Variants in CACNA2D1 observed in about 807,000 individuals in gnomAD.
The protein encoded by CACNA2D1 is voltage-dependent calcium channel subunit alpha-2/delta-1.
CACNA2D1 carries 53 observed loss-of-function variants against 171.5 expected under a neutral mutation model. The observed-to-expected ratio is 0.31, with a 90% CI of 0.25 to 0.39. CACNA2D1 has a LOEUF of 0.39. Ranked by LOEUF, CACNA2D1 falls within the 10% of genes least tolerant of loss-of-function variation. CACNA2D1 has a pLI of 1.00. For missense variants in CACNA2D1, 903 were observed against 1,299.8 expected (o/e 0.69, Z 4.69); for synonymous variants, 442 against 443.1 (o/e 1.00, Z 0.03).
chr7:81,959,890 T>C, intron 36 of CACNA2D1, 61 bp from the exon 37 acceptor site: 1 of 1,562,112 alleles, frequency 6.4e-7, no homozygotes, highest in Non-Finnish European at 8.7e-7. Context: ...ATGGAAATCT[T>C]TCAAAGATTC....
intron 1 of CACNA2D1, among the ~76,000 whole-genome samples, chr7:82,363,019 AC>A (rs1208719122): frequency 1.3e-5 from 2 of 152,000 alleles, no homozygotes; most frequent in Non-Finnish European, 2.9e-5. Context: ...TTGTCAGGCA[AC>A]CCCCTGAAAT....
At chr7:81,960,303 G>A (rs924793579) in intron 36 of CACNA2D1, among the ~76,000 whole-genome samples, 1 of 152,008 alleles carries the variant, frequency 6.6e-6, no homozygotes, top group Non-Finnish European at 1.5e-5. Context: ...AAAGTTGTTC[G>A]CACTGTCCAA....
intron 1 of CACNA2D1, among the ~76,000 whole-genome samples, chr7:82,399,603 C>T (rs755818211): frequency 4.6e-5 from 7 of 151,908 alleles, no homozygotes; most frequent in Non-Finnish European, 8.8e-5. Flanking sequence ...GGGAGACTGG[C>T]GAATCTTGTA....
At chr7:82,027,767 A>C (rs143741298) in intron 12 of CACNA2D1, 4 of 151,854 alleles carry the variant, frequency 2.6e-5, no homozygotes, top group Non-Finnish European at 5.9e-5. Context: ...GAATAGTTTA[A>C]TCTTTTTCAT....
At chr7:82,003,806 G>T (rs544803828) in intron 18 of CACNA2D1, among the ~76,000 whole-genome samples, 1 of 149,682 alleles carries the variant, frequency 6.7e-6, no homozygotes, top group South Asian at 2.1e-4. Context: ...GTGCAATGGC[G>T]TGGTCTCGGC....
At chr7:82,113,866 GGAAA>G (rs1788722481) in intron 6 of CACNA2D1, among the ~76,000 whole-genome samples, 1 of 152,096 alleles carries the variant, frequency 6.6e-6, no homozygotes, top group Non-Finnish European at 1.5e-5. Context: ...GTACAGGCCA[GGAAA>G]GGTTAGAGTC....
intron 12 of CACNA2D1, among the ~76,000 whole-genome samples, chr7:82,025,621 A>G (rs1452461417): frequency 6.6e-6 from 1 of 151,614 alleles, no homozygotes; most frequent in South Asian, 2.1e-4. Flanking sequence ...TTCTGCTACT[A>G]ATTTCTAGTT....
intron 3 of CACNA2D1, among the ~76,000 whole-genome samples, chr7:82,291,806 A>G (rs1811675273): frequency 6.6e-6 from 1 of 151,524 alleles, no homozygotes; most frequent in Non-Finnish European, 1.5e-5. Flanking sequence ...CACCCAGCCC[A>G]GAGCTAAATG....
At chr7:82,052,367 C>T (rs1288428797) in intron 10 of CACNA2D1, among the ~76,000 whole-genome samples, 8 of 152,136 alleles carry the variant, frequency 5.3e-5, no homozygotes, top group Non-Finnish European at 8.8e-5. Flanking sequence ...CACACATGCA[C>T]GCACACATAC....
At chr7:82,051,860 G>C (rs1244884506) in intron 10 of CACNA2D1, among the ~76,000 whole-genome samples, 1 of 152,110 alleles carries the variant, frequency 6.6e-6, no homozygotes, top group Non-Finnish European at 1.5e-5. Context: ...CATATAACTG[G>C]ATTAGTGGGA....
intron 38 of CACNA2D1, among the ~76,000 whole-genome samples, chr7:81,958,094 T>C (rs964986267): frequency 2.6e-5 from 4 of 151,064 alleles, no homozygotes. Flanking sequence ...ACTTAATATA[T>C]CTTAAAAAGA....
At chr7:82,389,165 TAC>T (rs762423418) in intron 1 of CACNA2D1, among the ~76,000 whole-genome samples, 3 of 146,492 alleles carry the variant, frequency 2.0e-5, no homozygotes, top group South Asian at 2.1e-4. Context: ...TATATATATA[TAC>T]ACACACACAC....
At chr7:82,332,510 T>C (rs6956050) in intron 3 of CACNA2D1, among the ~76,000 whole-genome samples, 2 of 92,556 alleles carry the variant, frequency 2.2e-5, no homozygotes, top group Non-Finnish European at 2.3e-5. Flanking sequence ...AAAAGAAATA[T>C]AAAGAAAGAA....
chr7:82,045,941 A>G (rs150950089), intron 10 of CACNA2D1, among the ~76,000 whole-genome samples: 81 of 152,208 alleles, frequency 5.3e-4, no homozygotes, highest in African/African-American at 1.6e-3. Flanking sequence ...GTCTTTAATC[A>G]TTTTCAATTA....
At chr7:82,008,735 C>A (rs76956998) in intron 15 of CACNA2D1, among the ~76,000 whole-genome samples, 1 of 151,926 alleles carries the variant, frequency 6.6e-6, no homozygotes. Context: ...GAATCAGAAC[C>A]GAGTTCATAA....
In CACNA2D1 at chr7:82,443,744, T is replaced by G. The variant is rs1487330077; in HGVS notation, c.-285A>C. The G allele has an allele frequency of 8.3e-7, 1 of 1,202,700 alleles. No individual in the cohort carries two copies. The highest frequency in any genetic ancestry group is 1.6e-5 in the African/African-American group (1 of 63,576). 74.5% of individuals were successfully genotyped at this position (1,202,700 alleles called of 1,614,324 possible). A position where few individuals can be genotyped will look rare whatever the true frequency, so the allele number is the denominator to read the frequency against. On this transcript the variant is annotated 5_prime_UTR_variant, in exon 1 of 39. Coordinates refer to ENST00000356860, the MANE Select transcript of CACNA2D1 (RefSeq NM_000722.4). ...TCAAGGGCGACTTTGGAAACAGACC[T>G]CGGCGAGCCCGCCGGCGCTCGCGCG...
At chr7:82,000,030 G>A (rs1798424988) in intron 18 of CACNA2D1, among the ~76,000 whole-genome samples, 1 of 152,130 alleles carries the variant, frequency 6.6e-6, no homozygotes, top group Non-Finnish European at 1.5e-5. Flanking sequence ...GGAGGCCAAG[G>A]CAGGTGGATC....
In CACNA2D1 at chr7:82,166,883, G is replaced by T. The variant is rs1393315907; in HGVS notation, c.354+3667C>A. Reference sequence around the variant, plus strand: ...ATTGAATGGAGCTGAGAGAGAGTGTGAATTGCATAAGTCCTTTGTTGTTGC... The same window carrying T: ...ATTGAATGGAGCTGAGAGAGAGTGTTAATTGCATAAGTCCTTTGTTGTTGC... On this transcript the variant is annotated intron_variant, in intron 4 of 38. Transcript: ENST00000356860. Among the ~76,000 whole-genome samples, 3 of 152,064 alleles carry T rather than the reference G, an allele frequency of 2.0e-5. No individual in the cohort carries two copies. In the East Asian group the frequency reaches 5.8e-4, roughly 29 times the overall value.
At chr7:82,299,324 C>A (rs1812709941) in intron 3 of CACNA2D1, among the ~76,000 whole-genome samples, 1 of 151,920 alleles carries the variant, frequency 6.6e-6, no homozygotes, top group Non-Finnish European at 1.5e-5. Context: ...TTGCAATCAG[C>A]ATTTTCTCAG....
Sources: gnomAD v4.1 joint callset for allele counts (sites outside exome capture counted in the v4.1 genomes callset) on GRCh38, gnomAD v4.1.1 for gene constraint, MANE v1.5 for transcripts, NCBI Gene and HGNC (gene_info 2026-07-23, HGNC 2026-07-21) for gene names.